CDAN1: variants seen among roughly 807,000 people sequenced by gnomAD.
The protein encoded by CDAN1 is codanin 1.
Under a neutral mutation model 139.8 loss-of-function variants are expected in CDAN1, and 107 were observed. The observed-to-expected ratio is 0.77, with a 90% CI of 0.65 to 0.90. The LOEUF (loss-of-function observed/expected upper bound fraction) is 0.90. Among genes scored for constraint, CDAN1 ranks in the 40% least tolerant of loss-of-function variants. CDAN1 has a pLI of 0.00. For synonymous variants in CDAN1, 776 were observed against 660.6 expected (o/e 1.17, Z -2.68); for missense variants, 1,667 against 1,575.7 (o/e 1.06, Z -0.98).
intron 1 of CDAN1, 62 bp downstream of exon 1, chr15:42,736,951 G>A: frequency 6.6e-7 from 1 of 1,504,852 alleles, no homozygotes; most frequent in Non-Finnish European, 9.0e-7. Context: ...GGGACTGGAG[G>A]GCTGGACTCC....
rs2061498103 is a variant in CDAN1 at position 42,724,554 on chromosome 15, T to A, written c.3621A>T (p.Glu1207Asp). The A allele has an allele frequency of 6.4e-7, 1 of 1,558,504 alleles. No homozygotes were observed. Among genetic ancestry groups the A allele is most frequent in the Non-Finnish European group, 8.7e-7 (1 of 1,150,314 alleles). Residue 1207 changes from glutamate to aspartate, a missense_variant, in exon 28 of 28, where the codon GAA (glutamate) becomes GAT (aspartate). Physicochemically the swap from Glu to Asp is conservative, Grantham distance 45. Transcript: ENST00000356231. ...CCAACTCACAGGCTCTTAGCTGGGG[T>A]TCTGGCAGGTGGGGCTCGGCTAGAA... ...NLFLAEPHLPEPQLRACELVQ... is the reference protein window; with the variant it reads ...NLFLAEPHLPDPQLRACELVQ...
rs2061655353 is a variant in CDAN1, at chr15:42,734,153, A to C, written c.1257+73T>G. The C allele has an allele frequency of 6.8e-6, 11 of 1,610,714 alleles. No individual in the cohort carries two copies. In the East Asian group the frequency reaches 2.5e-4, roughly 36 times the overall value. Reference sequence around the variant, plus strand: ...CACATTACACTGAAGTGTCGTCAGCAGGGTTGCCTGAATTTATGAAAGCTA... The same window carrying C: ...CACATTACACTGAAGTGTCGTCAGCCGGGTTGCCTGAATTTATGAAAGCTA... On this transcript the variant is annotated intron_variant, in intron 7 of 27. Coordinates refer to ENST00000356231, the MANE Select transcript of CDAN1 (RefSeq NM_138477.4).
At position 42,731,813 on chromosome 15, in the gene CDAN1, G is replaced by T. The variant is rs1213739782; in HGVS notation, c.1546C>A (p.Pro516Thr). 6.2e-7 allele frequency: 1 copy of T among 1,613,866 alleles called. No homozygotes were observed. The highest frequency in any genetic ancestry group is 8.5e-7 in the Non-Finnish European group (1 of 1,179,960). The change falls in exon 11 of 28, where the codon CCT becomes ACT. Residue 516 changes from proline to threonine, a missense_variant. Pro to Thr is a conservative substitution (Grantham distance 38). This residue lies in a region of CDAN1 where 244 missense variants were observed against 309.4 expected (regional missense o/e 0.79). Transcript: ENST00000356231. ...AAGACGGTGCCCCCAGCACCACCAG[G>T]GCTCTGACACATCTAGGGTGGAAGA... ...QKQLLQMCQS[P>T]GGAGGTVLGE...
chr15:42,733,337 C>T (rs373893625), intron 8 of CDAN1, 151 bp from the exon 9 acceptor site: 131 of 715,822 alleles, frequency 1.8e-4, no homozygotes, highest in Admixed American at 3.8e-4. Context: ...TGCAATGACG[C>T]GATCTCAGCT....
rs1034605660 is a variant in CDAN1, at chr15:42,726,346, G to C, written c.3168C>G (p.Leu1056=). Reference sequence around the variant, plus strand: ...GCAGCGTCTGGCCCAGCTGGCCTAGGAGCTGTTCCAGATGCTCTGGGGAGA... The same window carrying C: ...GCAGCGTCTGGCCCAGCTGGCCTAGCAGCTGTTCCAGATGCTCTGGGGAGA... ...EGVSPEHLEQ[L]LGQLGQTLRC... Residue 1056 remains leucine, a synonymous_variant, in exon 24 of 28, where the codon CTC becomes CTG. Coordinates refer to ENST00000356231, the MANE Select transcript of CDAN1 (RefSeq NM_138477.4). The C allele has an allele frequency of 6.3e-7, 1 of 1,595,688 alleles. No individual in the cohort carries two copies. The highest frequency in any genetic ancestry group is 8.5e-7 in the Non-Finnish European group (1 of 1,171,296).
At chr15:42,732,956 A>G (rs2061634433) in intron 9 of CDAN1, 141 bp downstream of exon 9, 1 of 738,712 alleles carries the variant, frequency 1.4e-6, no homozygotes, top group Non-Finnish European at 2.4e-6. Context: ...ATCAATAACT[A>G]AAGAGATTTC....
intron 24 of CDAN1, 28 bp from the exon 25 acceptor site, chr15:42,726,188 G>T (rs1470646346): frequency 6.2e-7 from 1 of 1,612,914 alleles, no homozygotes; most frequent in Admixed American, 1.7e-5. Context: ...GGGAAAGAGA[G>T]ACCATAGGTA....
Position 42,729,027 on chromosome 15 carries a change from T to C in CDAN1, c.2641A>G (p.Ile881Val). ...ERIGSNCVKH[I>V]KATLVADLVR... is the part of the protein sequence containing the mutation. ...GGATCCTTAACCCACTCTTACTTGA[T>C]ATGTTTGACACAGTTTGATCCAATT... The change falls in exon 19 of 28, where the codon ATC becomes GTC. Residue 881 changes from isoleucine (I) to valine (V), a missense_variant. By Grantham distance (29) the Ile-to-Val change is conservative. This residue lies in a region of CDAN1 where 936 missense variants were observed against 844.1 expected (regional missense o/e 1.11). Coordinates refer to ENST00000356231, the MANE Select transcript of CDAN1 (RefSeq NM_138477.4). The C allele has an allele frequency of 6.2e-7, 1 of 1,613,968 alleles. No homozygotes were observed. The highest frequency in any genetic ancestry group is 8.5e-7 in the Non-Finnish European group (1 of 1,179,820).
Position 42,732,444 on chromosome 15 carries a change from A to AG in CDAN1, c.1458-37dup, listed in dbSNP as rs2061626515. Reference sequence around the variant, plus strand: ...GAAGGCAGGAATGAAGGGTGTGGAAAGGAGGGAGAGGGAGAAAGATCTGAG... The same window carrying AG: ...GAAGGCAGGAATGAAGGGTGTGGAAAGGGAGGGAGAGGGAGAAAGATCTGAG... On this transcript the variant is annotated intron_variant, in intron 9 of 27. Transcript: ENST00000356231. 2.5e-6 allele frequency: 4 copies of AG among 1,580,098 alleles called. No individual in the cohort carries two copies. In the South Asian group the frequency reaches 4.4e-5, roughly 17 times the overall value.
At position 42,726,105 on chromosome 15, in the gene CDAN1, G is replaced by A; in HGVS notation, c.3260C>T (p.Ser1087Phe). The change falls in exon 25 of 28, where the codon TCC (serine) becomes TTC (phenylalanine). Residue 1087 changes from serine to phenylalanine, a missense_variant. Physicochemically the swap from Ser to Phe is radical, Grantham distance 155 (BLOSUM62 -2). Around this residue, in one of 3 missense-constraint regions of CDAN1, gnomAD observed 936 missense variants for 844.1 expected, o/e 1.11. Transcript: ENST00000356231. ...HLAKCSVELA[S>F]LLVADQIPIL... ...ATGGAAAGCAACCATACCGAGGAGGGAAGCTAACTCCACAGAGCACTTTGC... is the reference window on the plus strand; with the variant it reads ...ATGGAAAGCAACCATACCGAGGAGGAAAGCTAACTCCACAGAGCACTTTGC... 1 of 1,614,114 alleles carries A rather than the reference G, an allele frequency of 6.2e-7. No individual in the cohort carries two copies.
In CDAN1 at chr15:42,735,852, C is replaced by T. The variant is rs769955287; in HGVS notation, c.773+23G>A. ...TCCCCCACAGCGAGGAAACCGATAT[C>T]CCCAGGAGCGGCCAGGCCATACCGC... On this transcript the variant is annotated intron_variant, in intron 3 of 27. Coordinates refer to ENST00000356231, the MANE Select transcript of CDAN1 (RefSeq NM_138477.4). The T allele has an allele frequency of 2.3e-5, 37 of 1,613,042 alleles. No homozygotes were observed. The Admixed American group carries it at 3.0e-4, about 13-fold the overall frequency.
At chr15:42,724,989 T>A in intron 27 of CDAN1, 155 bp downstream of exon 27, 1 of 723,024 alleles carries the variant, frequency 1.4e-6, no homozygotes, top group Admixed American at 2.0e-5. Flanking sequence ...CAGTCCCTCA[T>A]ATAATAACTA....
intron 10 of CDAN1, 101 bp from the exon 11 acceptor site, chr15:42,731,926 C>T: frequency 9.7e-7 from 1 of 1,027,516 alleles, no homozygotes; most frequent in South Asian, 1.3e-5. Flanking sequence ...TAAGGAATGC[C>T]AACTGTGTCA....
rs1057167706 is a variant in CDAN1, at chr15:42,728,712, A to C, written c.2744T>G (p.Leu915Trp). The C allele has an allele frequency of 2.5e-6, 4 of 1,614,190 alleles. No homozygotes were observed. Among genetic ancestry groups the C allele is most frequent in the Middle Eastern group, 1.6e-4 (1 of 6,062 alleles). Residue 915 changes from leucine to tryptophan, a missense_variant, in exon 20 of 28, where the codon TTG becomes TGG. Transcript: ENST00000356231. ...GCACAGCTGGGAACACAAGATCTCC[A>C]ACAGCTGGGCTGGGTCTCCCCCTTC... ...GEEGGDPAQL[L>W]EILCSQLCPH...
intron 6 of CDAN1, 54 bp downstream of exon 6, chr15:42,735,046 G>A: frequency 1.6e-6 from 2 of 1,253,662 alleles, no homozygotes; most frequent in Non-Finnish European, 2.3e-6. Flanking sequence ...AGCAGCCAGA[G>A]AGCTAAGCAG....
rs1566981708 is a variant in CDAN1 at position 42,728,756 on chromosome 15, CT to C, written c.2699del (p.Gln900ArgfsTer3). The C allele has an allele frequency of 6.2e-7, 1 of 1,614,222 alleles. No homozygotes were observed. The highest frequency in any genetic ancestry group is 1.6e-4 in the Middle Eastern group (1 of 6,062). ...CCCCTTCCTCTCCCTGTGTCACCAGCTGCTCTTGGAGAAGTGACTCTGCCTG... is the reference window on the plus strand; with the variant it reads ...CCCCTTCCTCTCCCTGTGTCACCAGCGCTCTTGGAGAAGTGACTCTGCCTG... The part of the protein sequence containing the change: ...VRQAESLLQE[Q>X]LVTQGEEGGD... On this transcript the variant is annotated frameshift_variant, in exon 20 of 28. Transcript: ENST00000356231. LOFTEE classifies it high-confidence loss of function.
rs371548844 is a variant in CDAN1, at chr15:42,728,652, T to C, written c.2804A>G (p.Glu935Gly). The change falls in exon 20 of 28, where the codon GAG (glutamate) becomes GGG (glycine). Residue 935 changes from glutamate (E) to glycine (G), a missense_variant and splice_region_variant. Physicochemically the swap from Glu to Gly is moderately conservative, Grantham distance 98. Around this residue, in one of 3 missense-constraint regions of CDAN1, gnomAD observed 936 missense variants for 844.1 expected, o/e 1.11. Coordinates refer to ENST00000356231, the MANE Select transcript of CDAN1 (RefSeq NM_138477.4). ...HGAQALALGR[E>G]FCQRKSPGAV... The stretch of plus-strand genomic sequence containing the variant: ...GATCAAATGGACCAGCGCTGCTTAC[T>C]CCCGCCCCAGGGCCAATGCCTGGGC... 134 of 1,613,668 alleles carry C rather than the reference T, an allele frequency of 8.3e-5. No individual in the cohort carries two copies. The highest frequency in any genetic ancestry group is 5.8e-4 in the Admixed American group (35 of 60,006).
chr15:42,727,173 G>T (rs1040375384), intron 23 of CDAN1: 1 of 159,032 alleles, frequency 6.3e-6, no homozygotes, highest in African/African-American at 2.4e-5. Flanking sequence ...TCCTGCTCTA[G>T]AGAGTCTTTG....
chr15:42,727,457 TGCCC>T (rs1396446719), intron 23 of CDAN1, among the ~76,000 whole-genome samples, 160 bp downstream of exon 23: 7 of 152,248 alleles, frequency 4.6e-5, no homozygotes, highest in Non-Finnish European at 7.3e-5. Context: ...AATTCAGCTC[TGCCC>T]TACCTAACCC....
Sources: gnomAD v4.1 joint callset for allele counts (sites outside exome capture counted in the v4.1 genomes callset) on GRCh38, gnomAD v4.1.1 for gene constraint, gnomAD v4.1.1 regional missense constraint, MANE v1.5 for transcripts, NCBI Gene and HGNC (gene_info 2026-07-23, HGNC 2026-07-21) for gene names.